The following CHLSN variants were observed in gnomAD, a reference collection of about 807,000 sequenced individuals.
CHLSN encodes protein cholesin.
chr7:1,053,597 G>C, the CHLSN span, among the ~76,000 whole-genome samples: 3 of 152,232 alleles, frequency 2.0e-5, no homozygotes, highest in Admixed American at 2.0e-4. Context: ...GGAGGCCGAG[G>C]TGGGCGGATC....
At chr7:1,056,278 C>G in the CHLSN span, 2 of 153,152 alleles carry the variant, frequency 1.3e-5, no homozygotes, top group South Asian at 2.0e-4. Context: ...GAGCCTGGAC[C>G]CAGGACCTGG....
the CHLSN span, chr7:1,086,810 T>A: frequency 1.1e-4 from 17 of 153,254 alleles, no homozygotes; most frequent in African/African-American, 4.1e-4. Context: ...AGCAGCCGCA[T>A]TACTCATACT....
chr7:1,092,787 C>A, the CHLSN span: 23 of 1,613,616 alleles, frequency 1.4e-5, no homozygotes, highest in Non-Finnish European at 1.9e-5. Context: ...GCTTCTGTCA[C>A]GCTGCCCTGA....
chr7:1,129,796 G>A, the CHLSN span, among the ~76,000 whole-genome samples: 1 of 152,112 alleles, frequency 6.6e-6, no homozygotes, highest in African/African-American at 2.4e-5. Flanking sequence ...AATCATACAT[G>A]GATTACATAT....
chr7:1,062,885 TACCCCTA>T, the CHLSN span, among the ~76,000 whole-genome samples: 2 of 152,142 alleles, frequency 1.3e-5, no homozygotes, highest in South Asian at 2.1e-4. Context: ...CCCCTACTCC[TACCCCTA>T]ACCCCTAACT....
chr7:1,034,418 G>A, the CHLSN span, among the ~76,000 whole-genome samples: 1 of 151,496 alleles, frequency 6.6e-6, no homozygotes, highest in Non-Finnish European at 1.5e-5. Flanking sequence ...GTAAAGACAA[G>A]ATTATTCTAA....
At chr7:1,005,130 A>G in the CHLSN span, among the ~76,000 whole-genome samples, 1 of 152,194 alleles carries the variant, frequency 6.6e-6, no homozygotes, top group African/African-American at 2.4e-5. Flanking sequence ...TCTCTACTAA[A>G]AATACAAAAA....
chr7:1,054,923 G>T, the CHLSN span, among the ~76,000 whole-genome samples: 1 of 152,246 alleles, frequency 6.6e-6, no homozygotes, highest in African/African-American at 2.4e-5. Context: ...GCCTTCGCTC[G>T]ACAGTAGACC....
chr7:1,010,965 G>A, the CHLSN span, among the ~76,000 whole-genome samples: 1 of 151,944 alleles, frequency 6.6e-6, no homozygotes, highest in East Asian at 1.9e-4. Flanking sequence ...GGAGCTTCCA[G>A]GAAGGGAGGC....
At chr7:988,722 C>T in the CHLSN span, 9 of 1,599,470 alleles carry the variant, frequency 5.6e-6, no homozygotes, top group Admixed American at 3.3e-5. Context: ...CGCCTGCTGC[C>T]CCCGCCTGGC....
chr7:1,053,316 A>AG, the CHLSN span, among the ~76,000 whole-genome samples: 7 of 152,100 alleles, frequency 4.6e-5, no homozygotes, highest in East Asian at 3.9e-4. Context: ...ACGGCGGGGG[A>AG]GGGGCGTCCA....
the CHLSN span, among the ~76,000 whole-genome samples, chr7:1,046,540 G>C: frequency 6.6e-6 from 1 of 152,194 alleles, no homozygotes; most frequent in African/African-American, 2.4e-5. Flanking sequence ...CATCCAGGTA[G>C]CCAAGAGGAC....
At chr7:1,052,536 G>A in the CHLSN span, among the ~76,000 whole-genome samples, 391 of 152,268 alleles carry the variant, frequency 2.6e-3, 1 homozygote, top group African/African-American at 9.0e-3. The surrounding 1 kb of genome is among the most constrained non-coding windows in gnomAD (Gnocchi z 4.2). Context: ...GAAGAAGTGG[G>A]GGAGCCAGGA....
At chr7:1,049,859 G>A in the CHLSN span, among the ~76,000 whole-genome samples, 2 of 152,190 alleles carry the variant, frequency 1.3e-5, no homozygotes, top group South Asian at 4.1e-4. Context: ...GGTCCCGTGC[G>A]AGGAGCCCTG....
chr7:1,053,806 A>C, the CHLSN span, among the ~76,000 whole-genome samples: 4 of 152,164 alleles, frequency 2.6e-5, no homozygotes, highest in African/African-American at 9.7e-5. Flanking sequence ...CAGCCTGGGC[A>C]ACAGAGCGAG....
chr7:1,111,845 A>G, the CHLSN span, among the ~76,000 whole-genome samples: 3 of 151,986 alleles, frequency 2.0e-5, no homozygotes, highest in Non-Finnish European at 4.4e-5. Context: ...GGCGGGTGAC[A>G]CTGAGTGAGG....
the CHLSN span, among the ~76,000 whole-genome samples, chr7:1,113,457 C>T: frequency 6.6e-6 from 1 of 152,280 alleles, no homozygotes; most frequent in African/African-American, 2.4e-5. Context: ...GTGCGACCCA[C>T]ATGGCAGGGG....
At chr7:1,017,248 G>C in the CHLSN span, among the ~76,000 whole-genome samples, 1 of 151,476 alleles carries the variant, frequency 6.6e-6, no homozygotes, top group Non-Finnish European at 1.5e-5. Context: ...CTGTCTCTCA[G>C]AGGGAAGATA....
the CHLSN span, among the ~76,000 whole-genome samples, chr7:1,009,015 A>ACG: frequency 2.2e-5 from 3 of 138,110 alleles, no homozygotes; most frequent in Admixed American, 2.2e-4. Flanking sequence ...ACACACACAC[A>ACG]TACACATGCA....
Sources: allele counts gnomAD v4.1 joint callset (sites outside exome capture counted in the v4.1 genomes callset), GRCh38; gene constraint gnomAD v4.1.1; non-coding constraint Gnocchi (gnomAD v3.1); transcripts MANE v1.5; gene names NCBI Gene and HGNC (gene_info 2026-07-23, HGNC 2026-07-21).